The following SDC1 variants were observed in gnomAD, a reference collection of about 807,000 sequenced individuals.
SDC1 encodes syndecan-1.
Under a neutral mutation model 29.7 loss-of-function variants are expected in SDC1, and 14 were observed. That is an observed-to-expected ratio of 0.47 (90% confidence interval 0.31 to 0.74). SDC1 has a LOEUF of 0.74. Among genes scored for constraint, SDC1 ranks in the 30% least tolerant of loss-of-function variants. The pLI is 0.05. For synonymous variants in SDC1, 204 were observed against 175.5 expected (o/e 1.16, Z -1.29); for missense variants, 406 against 400.3 (o/e 1.01, Z -0.12).
intron 1 of SDC1, among the ~76,000 whole-genome samples, chr2:20,207,122 G>T (rs537969609): frequency 6.6e-6 from 1 of 152,186 alleles, no homozygotes; most frequent in South Asian, 2.1e-4. Flanking sequence ...AAGCAGAGAG[G>T]GACAGACAAG....
intron 1 of SDC1, chr2:20,223,409 C>A: frequency 1.7e-6 from 1 of 583,896 alleles, no homozygotes; most frequent in Non-Finnish European, 2.8e-6. Context: ...AGTGCCCACC[C>A]CGCCCCCGCC....
chr2:20,203,411 C>A (rs1390552730), intron 3 of SDC1, among the ~76,000 whole-genome samples, 189 bp from the exon 4 acceptor site: 1 of 152,230 alleles, frequency 6.6e-6, no homozygotes, highest in African/African-American at 2.4e-5. Flanking sequence ...CGGACCCTGG[C>A]TGGACCATGG....
intron 1 of SDC1, among the ~76,000 whole-genome samples, chr2:20,222,285 G>T (rs1168009674): frequency 3.9e-5 from 6 of 152,156 alleles, no homozygotes; most frequent in Non-Finnish European, 4.4e-5. Flanking sequence ...TGAACTTTCA[G>T]AGAGGGTCAG....
chr2:20,203,263 G>A (rs757178167), intron 3 of SDC1, 41 bp from the exon 4 acceptor site: 18 of 1,564,728 alleles, frequency 1.2e-5, no homozygotes, highest in Admixed American at 5.3e-5. Flanking sequence ...CCAGGTCACC[G>A]CCAGCAGCAG....
intron 1 of SDC1, chr2:20,208,103 T>G: frequency 1.0e-6 from 1 of 985,412 alleles, no homozygotes; most frequent in Non-Finnish European, 1.2e-6. Context: ...CTAGAACCAT[T>G]GGATCCATGC....
Position 20,203,882 on chromosome 2 carries a change from A to G in SDC1, c.558T>C (p.Ser186=). The G allele has an allele frequency of 6.2e-7, 1 of 1,607,124 alleles. No individual in the cohort carries two copies. The highest frequency in any genetic ancestry group is 8.5e-7 in the Non-Finnish European group (1 of 1,177,028). Residue 186 remains serine (S), a synonymous_variant, in exon 3 of 5, where the codon TCT becomes TCC. Coordinates refer to ENST00000254351, the MANE Select transcript of SDC1 (RefSeq NM_002997.5). ...HTPHTEDGGP[S]ATERAAEDGA... ...CATCCTCAGCAGCCCTCTCGGTGGC[A>G]GAAGGACCTCCATCCTCTGTGTGGG...
Position 20,203,979 on chromosome 2 carries a change from T to A in SDC1, c.461A>T (p.His154Leu). The change falls in exon 3 of 5, where the codon CAC becomes CTC. Residue 154 changes from histidine (H) to leucine (L), a missense_variant. Coordinates refer to ENST00000254351, the MANE Select transcript of SDC1 (RefSeq NM_002997.5). ...ATGGTGGCCAGGCTGCATGTCCCTG[T>A]GGGGGTGGGAGGTGGCGGGCTCCTG... ...TAQEPATSHP[H>L]RDMQPGHHET... 3 of 1,613,604 alleles carry A rather than the reference T, an allele frequency of 1.9e-6. No individual in the cohort carries two copies. The highest frequency in any genetic ancestry group is 2.5e-6 in the Non-Finnish European group (3 of 1,179,922).
Position 20,214,436 on chromosome 2 carries a change from G to A in SDC1, c.67-9012C>T, listed in dbSNP as rs150129100. 3.5e-3 allele frequency among the ~76,000 whole-genome samples: 535 copies of A among 152,232 alleles called. 4 individuals are homozygous for A. The highest frequency in any genetic ancestry group is 0.012 in the African/African-American group (490 of 41,536). On this transcript the variant is annotated intron_variant, in intron 1 of 4. Coordinates refer to ENST00000254351, the MANE Select transcript of SDC1 (RefSeq NM_002997.5). Reference sequence around the variant, plus strand: ...GATGGGAGACAGAATTTTCTGTGACGGCTCTCTCTGAAGAGGGAGAAGCCA... The same window carrying A: ...GATGGGAGACAGAATTTTCTGTGACAGCTCTCTCTGAAGAGGGAGAAGCCA...
rs114815037 is a variant in SDC1, at chr2:20,224,603, G to A, written c.66+199C>T. ...CCCCACCCTCCCCAGCGCGGGACCG[G>A]TGCGGCACCCACCGACAGCGGAGGA... On this transcript the variant is annotated intron_variant, in intron 1 of 4. Coordinates refer to ENST00000254351, the MANE Select transcript of SDC1 (RefSeq NM_002997.5). The surrounding 1 kb of genome is among the most constrained non-coding windows in gnomAD (Gnocchi z 4.9). Among the ~76,000 whole-genome samples the A allele has an allele frequency of 0.019, 2,886 of 151,642 alleles. 84 individuals carry two copies. The highest frequency in any genetic ancestry group is 0.06 in the African/African-American group (2,493 of 41,404).
chr2:20,202,105 A>T lies in SDC1; in HGVS notation c.*661T>A. On this transcript the variant is annotated 3_prime_UTR_variant, in exon 5 of 5. Transcript: ENST00000254351. ...ATTTGGTTCTCCTAGTTTAAAAAAA[A>T]AAAAAAAAAGTCTTCTTAACCCTGA... 1 of 545,578 alleles carries T rather than the reference A, an allele frequency of 1.8e-6. No homozygotes were observed. The highest frequency in any genetic ancestry group is 1.9e-5 in the African/African-American group (1 of 51,352). The allele number at this position is 545,578 out of a possible 1,614,324, so 33.8% of individuals were successfully genotyped here.
Position 20,202,142 on chromosome 2 carries a change from G to A in SDC1, c.*624C>T, listed in dbSNP as rs1001629883. 11 of 573,768 alleles carry A rather than the reference G, an allele frequency of 1.9e-5. No homozygotes were observed. The highest frequency in any genetic ancestry group is 4.4e-5 in the South Asian group (2 of 45,032). 35.5% of individuals were successfully genotyped at this position (573,768 alleles called of 1,614,324 possible). A position where few individuals can be genotyped will look rare whatever the true frequency, so the allele number is the denominator to read the frequency against. On this transcript the variant is annotated 3_prime_UTR_variant, in exon 5 of 5. Coordinates refer to ENST00000254351, the MANE Select transcript of SDC1 (RefSeq NM_002997.5). Reference sequence around the variant, plus strand: ...CTTCTTAACCCTGATGCTGTCTCCCGACCATAGATTAGGGAAGCAAGATGG... The same window carrying A: ...CTTCTTAACCCTGATGCTGTCTCCCAACCATAGATTAGGGAAGCAAGATGG...
chr2:20,208,004 C>G (rs1677335273), intron 1 of SDC1: 1 of 985,344 alleles, frequency 1.0e-6, no homozygotes. Context: ...AGAGAAAGCT[C>G]AAGATGGGGC....
At chr2:20,217,042 G>C (rs1677648752) in intron 1 of SDC1, among the ~76,000 whole-genome samples, 1 of 152,200 alleles carries the variant, frequency 6.6e-6, no homozygotes, top group South Asian at 2.1e-4. Flanking sequence ...AGCCTTTGCA[G>C]CTCCCTCAGG....
At position 20,202,668 on chromosome 2, in the gene SDC1, G is replaced by T. The variant is rs1432045391; in HGVS notation, c.*98C>A. 1 of 1,201,204 alleles carries T rather than the reference G, an allele frequency of 8.3e-7. No individual in the cohort carries two copies. Among genetic ancestry groups the T allele is most frequent in the African/African-American group, 1.5e-5 (1 of 65,666 alleles). The allele number at this position is 1,201,204 out of a possible 1,614,324, so 74.4% of individuals were successfully genotyped here. On this transcript the variant is annotated 3_prime_UTR_variant, in exon 5 of 5. Transcript: ENST00000254351. ...GAGGGGCTGGAATGCTGGGGAGGTG[G>T]CCTGGTGGCAGGGGAGGCCAGGGCC...
In SDC1 at chr2:20,205,860, C is replaced by G. The variant is rs117632595; in HGVS notation, c.67-436G>C. Among the ~76,000 whole-genome samples the G allele has an allele frequency of 4.1e-3, 618 of 152,336 alleles. 24 individuals are homozygous for G. The East Asian group carries it at 0.099, about 24-fold the overall frequency. ...TTGGGGCCAAAGATTGCCGACCCAG[C>G]CCCACTGAGAGGCTTTCAAAAACCC... On this transcript the variant is annotated intron_variant, in intron 1 of 4. Transcript: ENST00000254351.
At chr2:20,205,193 A>AAG in intron 2 of SDC1, 150 bp downstream of exon 2, 2 of 694,422 alleles carry the variant, frequency 2.9e-6, no homozygotes, top group Admixed American at 4.0e-5. Flanking sequence ...TCCTCTCCTC[A>AAG]GCATTGCCCT....
chr2:20,211,605 G>C (rs187384485), intron 1 of SDC1, among the ~76,000 whole-genome samples: 176 of 152,362 alleles, frequency 1.2e-3, no homozygotes, highest in Non-Finnish European at 1.9e-3. Flanking sequence ...TGAGCCCACT[G>C]GCTTCCCACC....
chr2:20,209,230 C>T (rs1677383695), intron 1 of SDC1, among the ~76,000 whole-genome samples: 1 of 152,210 alleles, frequency 6.6e-6, no homozygotes. Context: ...CCTCTTTCTT[C>T]CCTACAACTC....
At chr2:20,218,666 T>G (rs563038019) in intron 1 of SDC1, among the ~76,000 whole-genome samples, 1 of 131,454 alleles carries the variant, frequency 7.6e-6, no homozygotes. Flanking sequence ...GAGACACACG[T>G]ACACACGGAC....
Sources: gnomAD v4.1 joint callset for allele counts (sites outside exome capture counted in the v4.1 genomes callset) on GRCh38, gnomAD v4.1.1 for gene constraint, Gnocchi (gnomAD v3.1) non-coding constraint, MANE v1.5 for transcripts, NCBI Gene and HGNC (gene_info 2026-07-23, HGNC 2026-07-21) for gene names.